SYCP1: variants seen among roughly 807,000 people sequenced by gnomAD.
SYCP1 encodes the protein synaptonemal complex protein 1.
In SYCP1, 64 loss-of-function variants were observed where a neutral mutation model predicts 153.1. That is an observed-to-expected ratio of 0.42 (90% CI 0.34 to 0.51). The LOEUF is 0.51. Among genes scored for constraint, SYCP1 ranks in the 20% least tolerant of loss-of-function variants. The pLI is 0.06. For synonymous variants in SYCP1, 384 were observed against 341.8 expected (o/e 1.12, Z -1.36); for missense variants, 997 against 1,049.0 (o/e 0.95, Z 0.68).
chr1:114,879,384 C>A (rs1665757566), intron 12 of SYCP1, among the ~76,000 whole-genome samples: 1 of 152,132 alleles, frequency 6.6e-6, no homozygotes, highest in Non-Finnish European at 1.5e-5. Flanking sequence ...ATGATATACT[C>A]CAGATATATT....
At chr1:114,871,328 C>T (rs982081461) in intron 8 of SYCP1, among the ~76,000 whole-genome samples, 5 of 151,692 alleles carry the variant, frequency 3.3e-5, no homozygotes, top group African/African-American at 4.8e-5. Flanking sequence ...CCACCAAGCC[C>T]GGCTAATTTT....
chr1:114,896,241 G>A (rs1489730056), intron 16 of SYCP1, among the ~76,000 whole-genome samples: 1 of 152,066 alleles, frequency 6.6e-6, no homozygotes, highest in African/African-American at 2.4e-5. Flanking sequence ...ACCTGATTTT[G>A]CAGCTCCTAG....
intron 23 of SYCP1, among the ~76,000 whole-genome samples, chr1:114,927,367 G>A (rs1010902612): frequency 3.9e-5 from 6 of 151,946 alleles, no homozygotes; most frequent in African/African-American, 1.4e-4. Flanking sequence ...CAACAAAAAT[G>A]TCAACCAATA....
chr1:114,925,425 T>G (rs1164787834), intron 21 of SYCP1, among the ~76,000 whole-genome samples: 2 of 152,146 alleles, frequency 1.3e-5, no homozygotes, highest in Non-Finnish European at 2.9e-5. Flanking sequence ...GCATGACAAA[T>G]TTTTAGCATA....
At chr1:114,952,656 C>G (rs1484367964) in intron 27 of SYCP1, among the ~76,000 whole-genome samples, 1 of 152,178 alleles carries the variant, frequency 6.6e-6, no homozygotes, top group African/African-American at 2.4e-5. Context: ...GTCACGAGAA[C>G]AGCAGCATGG....
intron 23 of SYCP1, among the ~76,000 whole-genome samples, chr1:114,932,715 T>G (rs1669716312): frequency 6.6e-6 from 1 of 152,186 alleles, no homozygotes; most frequent in South Asian, 2.1e-4. Flanking sequence ...ATACTGCACT[T>G]TTCCAATGGT....
chr1:114,888,360 ATTACT>A (rs1034727850), intron 15 of SYCP1, among the ~76,000 whole-genome samples: 15 of 152,008 alleles, frequency 9.9e-5, no homozygotes, highest in South Asian at 8.3e-4. Context: ...AAATATTTTC[ATTACT>A]TTATGTAAGC....
chr1:114,899,009 C>T (rs948473483), intron 16 of SYCP1, among the ~76,000 whole-genome samples: 4 of 152,284 alleles, frequency 2.6e-5, no homozygotes, highest in Middle Eastern at 3.4e-3. Flanking sequence ...CGGTGTGAGG[C>T]CAGTTTTTTC....
At chr1:114,945,209 A>G (rs1031777374) in intron 25 of SYCP1, among the ~76,000 whole-genome samples, 7 of 152,018 alleles carry the variant, frequency 4.6e-5, no homozygotes, top group Non-Finnish European at 8.8e-5. Context: ...TCTCTTTGTT[A>G]TCTGTGATGA....
intron 27 of SYCP1, among the ~76,000 whole-genome samples, chr1:114,975,079 G>T (rs1421794827): frequency 2.0e-5 from 3 of 151,772 alleles, no homozygotes; most frequent in African/African-American, 7.3e-5. Context: ...CATATGATTA[G>T]CAATGGTGAC....
chr1:114,886,344 G>T, intron 14 of SYCP1, 35 bp downstream of exon 14: 2 of 1,446,618 alleles, frequency 1.4e-6, no homozygotes, highest in Non-Finnish European at 1.8e-6. Flanking sequence ...CACAAAATAA[G>T]TGAATAAAAA....
intron 27 of SYCP1, among the ~76,000 whole-genome samples, chr1:114,967,799 T>A (rs550757492): frequency 1.3e-5 from 2 of 152,344 alleles, no homozygotes; most frequent in South Asian, 4.1e-4. Context: ...CATTTTGGTA[T>A]GTTTTTGCAG....
At chr1:114,984,957 A>G (rs1035571533) in intron 30 of SYCP1, 89 bp downstream of exon 30, 1 of 614,400 alleles carries the variant, frequency 1.6e-6, no homozygotes, top group African/African-American at 1.9e-5. Context: ...ATATATTTAC[A>G]TAGTACCTAC....
chr1:114,890,476 G>T lies in SYCP1; in HGVS notation c.1258+2783G>T, dbSNP rs909269835. Reference sequence around the variant, plus strand: ...AATATATTTTGGGTGAATGCTCACAGATTTCTTATTGATGGAGGTATGTTA... The same window carrying T: ...AATATATTTTGGGTGAATGCTCACATATTTCTTATTGATGGAGGTATGTTA... On this transcript the variant is annotated intron_variant, in intron 15 of 31. Coordinates refer to ENST00000369522, the MANE Select transcript of SYCP1 (RefSeq NM_003176.4). Among the ~76,000 whole-genome samples the T allele has an allele frequency of 5.3e-5, 8 of 152,070 alleles. No homozygotes were observed. The South Asian group carries it at 1.7e-3, about 32-fold the overall frequency.
intron 3 of SYCP1, 71 bp from the exon 4 acceptor site, chr1:114,857,161 A>AG (rs1557747321): frequency 9.4e-7 from 1 of 1,064,730 alleles, no homozygotes; most frequent in African/African-American, 1.6e-5. Flanking sequence ...AAAAAAAGAG[A>AG]AAAAAGAAAA....
chr1:114,952,628 A>G (rs1449249245), intron 27 of SYCP1, among the ~76,000 whole-genome samples: 1 of 152,146 alleles, frequency 6.6e-6, no homozygotes, highest in African/African-American at 2.4e-5. Flanking sequence ...AAACCATTAG[A>G]TCTTGTGAGA....
At position 114,984,797 on chromosome 1, in the gene SYCP1, A is replaced by T; in HGVS notation, c.2632A>T (p.Ser878Cys). Reference protein sequence around the residue: ...RENLNIPIEESKKKRKMAFEF... With the variant: ...RENLNIPIEECKKKRKMAFEF... ...AAACTTGAATATACCCATTGAAGAA[A>T]GTAAAAAAAAGAGAAAAATGGCCTT... is the stretch of plus-strand genomic sequence containing the variant. The change falls in exon 30 of 32, where the codon AGT becomes TGT. Residue 878 changes from serine to cysteine, a missense_variant. This residue lies in a region of SYCP1 where 712 missense variants were observed against 682.9 expected (regional missense o/e 1.04). Transcript: ENST00000369522. The T allele has an allele frequency of 6.6e-7, 1 of 1,513,622 alleles. No homozygotes were observed. Among genetic ancestry groups the T allele is most frequent in the Non-Finnish European group, 8.8e-7 (1 of 1,130,960 alleles). 93.8% of individuals were successfully genotyped at this position (1,513,622 alleles called of 1,614,324 possible).
chr1:114,877,010 T>C (rs575318152), intron 11 of SYCP1, 200 bp downstream of exon 11: 1 of 251,336 alleles, frequency 4.0e-6, no homozygotes, highest in African/African-American at 2.2e-5. Context: ...TAGCTTTTTT[T>C]GGGTTTTAAT....
At chr1:114,956,884 A>G (rs1671471260) in intron 27 of SYCP1, among the ~76,000 whole-genome samples, 1 of 150,268 alleles carries the variant, frequency 6.7e-6, no homozygotes, top group Non-Finnish European at 1.5e-5. Context: ...TGTGCCTACA[A>G]TTAAATACTT....
Sources: gnomAD v4.1 joint callset for allele counts (sites outside exome capture counted in the v4.1 genomes callset) on GRCh38, gnomAD v4.1.1 for gene constraint, gnomAD v4.1.1 regional missense constraint, MANE v1.5 for transcripts, NCBI Gene and HGNC (gene_info 2026-07-23, HGNC 2026-07-21) for gene names.